PLCE1: variants seen among roughly 807,000 people sequenced by gnomAD.
The protein encoded by PLCE1 is 1-phosphatidylinositol 4,5-bisphosphate phosphodiesterase epsilon-1.
A neutral mutation model predicts 242.8 loss-of-function variants in PLCE1; 119 were observed. The observed-to-expected ratio is 0.49, with a 90% CI of 0.42 to 0.57. The LOEUF (loss-of-function observed/expected upper bound fraction) is 0.57, where lower values mean the gene tolerates loss of function less well. Ranked by LOEUF, PLCE1 falls within the 20% of genes least tolerant of loss-of-function variation. PLCE1 has a pLI of 0.00. For synonymous variants in PLCE1, 945 were observed against 1,017.4 expected (o/e 0.93, Z 1.35); for missense variants, 2,441 against 2,788.8 (o/e 0.88, Z 2.81).
rs371885810 is a variant in PLCE1, at chr10:94,147,041, G to A, written c.1492+14582G>A. 5.3e-5 allele frequency among the ~76,000 whole-genome samples: 8 copies of A among 151,956 alleles called. No individual in the cohort carries two copies. The East Asian group carries it at 7.7e-4, about 15-fold the overall frequency. ...AGCCTCACGATCTAGTTTTCTACAC[G>A]CATAATGTAGAGAAACGCTGTGTCT... On this transcript the variant is annotated intron_variant, in intron 3 of 32. Coordinates refer to ENST00000371380, the MANE Select transcript of PLCE1 (RefSeq NM_016341.4).
At chr10:93,996,442 G>T (rs1435494193) in intron 1 of PLCE1, among the ~76,000 whole-genome samples, 2 of 152,186 alleles carry the variant, frequency 1.3e-5, no homozygotes, top group Admixed American at 6.5e-5. Context: ...CTGGAAGAGG[G>T]GTGGAAGGTT....
rs184273064 is a variant in PLCE1 at position 94,163,808 on chromosome 10, A to C, written c.1493-7372A>C. On this transcript the variant is annotated intron_variant, in intron 3 of 32. Coordinates refer to ENST00000371380, the MANE Select transcript of PLCE1 (RefSeq NM_016341.4). ...GGTGGCTGGTACCGGTTGTTCCTTTACATGTTTAGTGCTTCCTTCAGGAGC... is the reference window on the plus strand; with the variant it reads ...GGTGGCTGGTACCGGTTGTTCCTTTCCATGTTTAGTGCTTCCTTCAGGAGC... 4.1e-3 allele frequency among the ~76,000 whole-genome samples: 623 copies of C among 152,152 alleles called. 1 individual carries two copies. The highest frequency in any genetic ancestry group is 6.9e-3 in the Non-Finnish European group (470 of 68,000).
At chr10:94,011,543 G>A (rs2061167933) in intron 1 of PLCE1, among the ~76,000 whole-genome samples, 3 of 152,142 alleles carry the variant, frequency 2.0e-5, no homozygotes, top group Non-Finnish European at 2.9e-5. Flanking sequence ...AGAGCTGGAG[G>A]CTATGGGGAG....
chr10:94,112,124 C>A (rs370020704), intron 2 of PLCE1, among the ~76,000 whole-genome samples: 2 of 151,890 alleles, frequency 1.3e-5, no homozygotes, highest in South Asian at 2.1e-4. Flanking sequence ...GATTTTTGTC[C>A]CCCTTTGATG....
intron 19 of PLCE1, among the ~76,000 whole-genome samples, chr10:94,277,246 T>G (rs1010800759): frequency 6.6e-6 from 1 of 152,084 alleles, no homozygotes; most frequent in African/African-American, 2.4e-5. Flanking sequence ...AAAACTCAGT[T>G]CACCTTAAAT....
In PLCE1 at chr10:94,252,506, GT is replaced by G; in HGVS notation, c.3279+10del. 1 of 1,609,124 alleles carries G rather than the reference GT, an allele frequency of 6.2e-7. No homozygotes were observed. The highest frequency in any genetic ancestry group is 8.5e-7 in the Non-Finnish European group (1 of 1,177,080). Reference sequence around the variant, plus strand: ...AAGAAAATCCTCATGAGGGTAGAGTGTTATTTGTTTATTAAGCATTAAACCC... The same window carrying G: ...AAGAAAATCCTCATGAGGGTAGAGTGTATTTGTTTATTAAGCATTAAACCC... On this transcript the variant is annotated intron_variant, in intron 9 of 32. Transcript: ENST00000371380.
At chr10:94,313,806 T>C (rs10882422) in intron 28 of PLCE1, among the ~76,000 whole-genome samples, 49,366 of 152,028 alleles carry the variant, frequency 0.32, 8,295 homozygotes, top group Middle Eastern at 0.48. Context: ...TCTTGCCATC[T>C]GAGGAGCTGA....
chr10:94,180,276 T>C (rs2048271899), intron 4 of PLCE1, among the ~76,000 whole-genome samples: 1 of 152,236 alleles, frequency 6.6e-6, no homozygotes, highest in Non-Finnish European at 1.5e-5. Flanking sequence ...GTTGACCTGT[T>C]TGTTGATTTT....
rs144093777 is a variant in PLCE1, at chr10:94,270,358, C to T, written c.4390-128C>T. On this transcript the variant is annotated intron_variant, in intron 17 of 32. Transcript: ENST00000371380. Reference sequence around the variant, plus strand: ...TATCCTCATGCTTCATTTGAAAATACGAAAACCATCTTTGGCCAGAGTCTG... The same window carrying T: ...TATCCTCATGCTTCATTTGAAAATATGAAAACCATCTTTGGCCAGAGTCTG... The T allele has an allele frequency of 1.7e-3, 1,323 of 764,426 alleles. 5 individuals carry two copies. The highest frequency in any genetic ancestry group is 0.014 in the Middle Eastern group (49 of 3,452). The allele number at this position is 764,426 out of a possible 1,614,324, so 47.4% of individuals were successfully genotyped here.
intron 2 of PLCE1, among the ~76,000 whole-genome samples, chr10:94,077,743 G>A (rs1193590064): frequency 6.6e-6 from 1 of 152,066 alleles, no homozygotes. Flanking sequence ...CTCCAGCCTG[G>A]GTGACAGAGC....
intron 3 of PLCE1, among the ~76,000 whole-genome samples, chr10:94,164,815 T>G (rs904368241): frequency 7.2e-5 from 11 of 152,324 alleles, no homozygotes; most frequent in Admixed American, 3.3e-4. Context: ...GGGGTTTTGA[T>G]GTGGATGTCC....
intron 2 of PLCE1, among the ~76,000 whole-genome samples, chr10:94,063,173 C>T (rs957501695): frequency 6.6e-6 from 1 of 152,224 alleles, no homozygotes; most frequent in African/African-American, 2.4e-5. Flanking sequence ...GCCTCACTCA[C>T]CACTCTCCCT....
At chr10:93,995,435 C>T (rs2060802270) in intron 1 of PLCE1, among the ~76,000 whole-genome samples, 1 of 152,162 alleles carries the variant, frequency 6.6e-6, no homozygotes. Context: ...AGCATTTTTT[C>T]TCCAGGGCCC....
In PLCE1 at chr10:94,273,703, G is replaced by T. The variant is rs376222459; in HGVS notation, c.4648G>T (p.Asp1550Tyr). Residue 1550 changes from aspartate to tyrosine, a missense_variant, in exon 19 of 33, where the codon GAT becomes TAT. By Grantham distance (160) the Asp-to-Tyr change is radical (BLOSUM62 -3). Around this residue, in one of 5 missense-constraint regions of PLCE1, gnomAD observed 1,004 missense variants for 1,322.7 expected, o/e 0.76. Coordinates refer to ENST00000371380, the MANE Select transcript of PLCE1 (RefSeq NM_016341.4). ...GCTAAAAGCCCATCAGACGCCAGTG[G>T]ATATCTTAAAGCAAAAGGTACTCCC... ...KKLKAHQTPV[D>Y]ILKQKAHQLA... The T allele has an allele frequency of 2.5e-6, 4 of 1,613,758 alleles. No individual in the cohort carries two copies. Among genetic ancestry groups the T allele is most frequent in the South Asian group, 2.2e-5 (2 of 91,072 alleles).
At chr10:94,314,306 C>T (rs1369662088) in intron 28 of PLCE1, among the ~76,000 whole-genome samples, 1 of 152,214 alleles carries the variant, frequency 6.6e-6, no homozygotes, top group South Asian at 2.1e-4. Context: ...TTTCAGAATT[C>T]CTTCTCCATG....
At position 94,313,304 on chromosome 10, in the gene PLCE1, G is replaced by A; in HGVS notation, c.6054G>A (p.Val2018=). The A allele has an allele frequency of 1.2e-6, 2 of 1,614,150 alleles. No homozygotes were observed. Among genetic ancestry groups the A allele is most frequent in the Non-Finnish European group, 1.7e-6 (2 of 1,179,986 alleles). Residue 2018 remains valine, a synonymous_variant, in exon 28 of 33, where the codon GTG becomes GTA. Transcript: ENST00000371380. ...RKCLQTHRVT[V]HGVPGPEPFT... ...GTTTGCAGACTCACAGAGTCACGGT[G>A]CATGGGGTCCCAGGGCCAGAGCCCT... is the stretch of plus-strand genomic sequence containing the variant.
intron 1 of PLCE1, among the ~76,000 whole-genome samples, chr10:93,997,520 A>G (rs966389035): frequency 2.0e-5 from 3 of 152,096 alleles, no homozygotes; most frequent in Non-Finnish European, 4.4e-5. Flanking sequence ...ACAGCAAGGA[A>G]GTGCCAGTGT....
At chr10:94,269,094 C>CTTTTTTTTTTTTTTTT (rs71031565) in intron 17 of PLCE1, 58 bp downstream of exon 17, 6 of 313,314 alleles carry the variant, frequency 1.9e-5, no homozygotes, top group African/African-American at 4.0e-5. Context: ...CTTCATTTGT[C>CTTTTTTTTTTTTTTTT]TTTTTTTTTT....
chr10:94,013,968 T>G (rs1385551496), intron 1 of PLCE1, among the ~76,000 whole-genome samples: 2 of 152,130 alleles, frequency 1.3e-5, no homozygotes, highest in African/African-American at 2.4e-5. Context: ...ATGGGTTATG[T>G]TAGGGACTGG....
Sources: allele counts gnomAD v4.1 joint callset (sites outside exome capture counted in the v4.1 genomes callset), GRCh38; gene constraint gnomAD v4.1.1; regional missense constraint gnomAD v4.1.1; transcripts MANE v1.5; gene names NCBI Gene and HGNC (gene_info 2026-07-23, HGNC 2026-07-21).